IFITM10: variants seen among roughly 807,000 people sequenced by gnomAD.
The protein encoded by IFITM10 is interferon-induced transmembrane protein 10.
IFITM10 carries 17 observed loss-of-function variants against 19.0 expected under a neutral mutation model. The ratio of observed to expected loss-of-function variants is 0.90; its 90% confidence interval spans 0.61 to 1.34. The LOEUF (loss-of-function observed/expected upper bound fraction) is 1.34. Ranked by LOEUF, IFITM10 falls within the 40% of genes most tolerant of loss-of-function variation. The pLI, the probability that IFITM10 is intolerant of heterozygous loss-of-function variation, is 0.00. For synonymous variants in IFITM10, 148 were observed against 147.2 expected, an observed-to-expected ratio of 1.01 and a Z score of -0.04; for missense variants, 306 against 319.8, an observed-to-expected ratio of 0.96 and a Z score of 0.33.
intron 1 of IFITM10, chr11:1,749,117 G>T (rs1590900659): frequency 9.2e-7 from 1 of 1,086,824 alleles, no homozygotes. Context: ...CCGCCTCCCA[G>T]CGGCCCAACC....
chr11:1,747,605 G>T, intron 2 of IFITM10, 62 bp downstream of exon 2: 1 of 1,442,052 alleles, frequency 6.9e-7, no homozygotes, highest in Non-Finnish European at 9.5e-7. Context: ...CACAGCCAGG[G>T]ACTGTCCTGC....
Position 1,747,810 on chromosome 11 carries a change from T to G in IFITM10, c.394A>C (p.Lys132Gln). The G allele has an allele frequency of 6.4e-7, 1 of 1,550,484 alleles. No homozygotes were observed. The highest frequency in any genetic ancestry group is 8.7e-7 in the Non-Finnish European group (1 of 1,146,112). Residue 132 changes from lysine to glutamine, a missense_variant, in exon 2 of 3, where the codon AAG becomes CAG. By Grantham distance (53) the Lys-to-Gln change is moderately conservative (BLOSUM62 1). Transcript: ENST00000340134. The part of the protein sequence containing the change: ...PPACKHLAEK[K>Q]TMTNPTTVIE... Reference sequence around the variant, plus strand: ...ACGGTCGTGGGGTTGGTCATCGTCTTCTTCTCGGCTAGGTGCTTGCAGGCA... The same window carrying G: ...ACGGTCGTGGGGTTGGTCATCGTCTGCTTCTCGGCTAGGTGCTTGCAGGCA...
In IFITM10 at chr11:1,747,946, C is replaced by G. The variant is rs990886386; in HGVS notation, c.258G>C (p.Pro86=). The part of the protein sequence containing the change: ...CVSKPPALQA[P]AAPAPEPSAS... ...CCGAGGGCTCAGGGGCAGGGGCCGC[C>G]GGAGCCTGCAGGGCAGGGGGCTTGG... The change falls in exon 2 of 3, where the codon CCG becomes CCC. Residue 86 remains proline (P), a synonymous_variant. Coordinates refer to ENST00000340134, the MANE Select transcript of IFITM10 (RefSeq NM_001170820.4). The G allele has an allele frequency of 1.4e-6, 2 of 1,472,470 alleles. No individual in the cohort carries two copies. The highest frequency in any genetic ancestry group is 2.8e-5 in the African/African-American group (2 of 70,516). 91.2% of individuals were successfully genotyped at this position (1,472,470 alleles called of 1,614,324 possible).
intron 2 of IFITM10, chr11:1,746,046 A>G (rs542021090): frequency 1.3e-5 from 2 of 152,280 alleles, no homozygotes; most frequent in Admixed American, 1.3e-4. Flanking sequence ...TTGTGCACAC[A>G]CATTTACATG....
Position 1,747,944 on chromosome 11 carries a change from G to C in IFITM10, c.260C>G (p.Ala87Gly). 1 of 1,473,454 alleles carries C rather than the reference G, an allele frequency of 6.8e-7. No homozygotes were observed. Among genetic ancestry groups the C allele is most frequent in the Non-Finnish European group, 9.0e-7 (1 of 1,110,648 alleles). The allele number at this position is 1,473,454 out of a possible 1,614,324, so 91.3% of individuals were successfully genotyped here. ...GGCCGAGGGCTCAGGGGCAGGGGCC[G>C]CCGGAGCCTGCAGGGCAGGGGGCTT... Reference protein sequence around the residue: ...VSKPPALQAPAAPAPEPSASP... With the variant: ...VSKPPALQAPGAPAPEPSASP... Residue 87 changes from alanine (A) to glycine (G), a missense_variant, in exon 2 of 3, where the codon GCG becomes GGG. Coordinates refer to ENST00000340134, the MANE Select transcript of IFITM10 (RefSeq NM_001170820.4).
chr11:1,746,337 TACACATGCAC>T (rs1434703008), intron 2 of IFITM10: 20 of 385,878 alleles, frequency 5.2e-5, no homozygotes, highest in African/African-American at 1.4e-4. Context: ...CACACAGTCA[TACACATGCAC>T]ACACATGCAC....
chr11:1,747,908 A>G lies in IFITM10; in HGVS notation c.296T>C (p.Met99Thr). The change falls in exon 2 of 3, where the codon ATG (methionine) becomes ACG (threonine). Residue 99 changes from methionine (M) to threonine (T), a missense_variant. Physicochemically the swap from Met to Thr is moderately conservative, Grantham distance 81. Coordinates refer to ENST00000340134, the MANE Select transcript of IFITM10 (RefSeq NM_001170820.4). Reference protein sequence around the residue: ...PAPEPSASPPMAPTLFPMESK... With the variant: ...PAPEPSASPPTAPTLFPMESK... ...CTCCATGGGGAACAGTGTGGGCGCC[A>G]TCGGGGGAGAGGCCGAGGGCTCAGG... 6.7e-7 allele frequency: 1 copy of G among 1,500,170 alleles called. No homozygotes were observed. The highest frequency in any genetic ancestry group is 1.3e-5 in the South Asian group (1 of 76,004). 92.9% of individuals were successfully genotyped at this position (1,500,170 alleles called of 1,614,324 possible).
chr11:1,738,763 T>C (rs895991036), intron 2 of IFITM10, among the ~76,000 whole-genome samples: 1 of 151,794 alleles, frequency 6.6e-6, no homozygotes, highest in African/African-American at 2.4e-5. Context: ...GCTTGCAGTG[T>C]GATAAAAAGA....
At chr11:1,740,765 T>C (rs113490305) in intron 2 of IFITM10, among the ~76,000 whole-genome samples, 1,829 of 152,282 alleles carry the variant, frequency 0.012, 38 homozygotes, top group African/African-American at 0.041. Context: ...CACATGTCCC[T>C]GCCAAATCTA....
chr11:1,743,756 G>A (rs893130822), intron 2 of IFITM10, among the ~76,000 whole-genome samples: 3 of 151,712 alleles, frequency 2.0e-5, no homozygotes, highest in South Asian at 2.1e-4. Flanking sequence ...TCCCCAGCTC[G>A]CAAGCTCTCC....
At chr11:1,746,746 G>A (rs1845655146) in intron 2 of IFITM10, 2 of 398,774 alleles carry the variant, frequency 5.0e-6, no homozygotes, top group African/African-American at 2.1e-5. Context: ...TCCCCCACCC[G>A]GCAGGGCAGC....
At position 1,747,798 on chromosome 11, in the gene IFITM10, T is replaced by C; in HGVS notation, c.406A>G (p.Asn136Asp). 1 of 1,551,200 alleles carries C rather than the reference T, an allele frequency of 6.4e-7. No homozygotes were observed. The highest frequency in any genetic ancestry group is 8.7e-7 in the Non-Finnish European group (1 of 1,146,550). ...TAGACCTCGATGACGGTCGTGGGGT[T>C]GGTCATCGTCTTCTTCTCGGCTAGG... Reference protein sequence around the residue: ...KHLAEKKTMTNPTTVIEVYPD... With the variant: ...KHLAEKKTMTDPTTVIEVYPD... The change falls in exon 2 of 3, where the codon AAC becomes GAC. Residue 136 changes from asparagine to aspartate, a missense_variant. Physicochemically the swap from Asn to Asp is conservative, Grantham distance 23 (BLOSUM62 1). Coordinates refer to ENST00000340134, the MANE Select transcript of IFITM10 (RefSeq NM_001170820.4).
chr11:1,739,053 CAAAAAAAAAAAAAAAAA>C (rs71025777), intron 2 of IFITM10, among the ~76,000 whole-genome samples: 1 of 42,106 alleles, frequency 2.4e-5, no homozygotes, highest in Admixed American at 3.8e-4. Context: ...GACTCCGTCT[CAAAAAAAAAAAAAAAAA>C]AAAAAAAAAA....
At chr11:1,749,216 C>T (rs969234905) in intron 1 of IFITM10, 15 of 491,362 alleles carry the variant, frequency 3.1e-5, no homozygotes, top group African/African-American at 2.9e-4. Flanking sequence ...AGACCGGCCG[C>T]GCGGCTGCAG....
chr11:1,732,730 T>C lies in IFITM10; in HGVS notation c.*2550A>G, dbSNP rs766511068. ...CTTTGTAGCCCCACATTGCCCGGAG[T>C]TGGATACAAACATCCCAAGAGCTAG... On this transcript the variant is annotated 3_prime_UTR_variant, in exon 3 of 3. Coordinates refer to ENST00000340134, the MANE Select transcript of IFITM10 (RefSeq NM_001170820.4). The C allele has an allele frequency of 6.6e-6, 1 of 152,070 alleles. No homozygotes were observed. The highest frequency in any genetic ancestry group is 1.5e-5 in the Non-Finnish European group (1 of 68,022). 9.4% of individuals were successfully genotyped at this position (152,070 alleles called of 1,614,324 possible). A position where few individuals can be genotyped will look rare whatever the true frequency, so the allele number is the denominator to read the frequency against.
intron 2 of IFITM10, chr11:1,744,268 G>A (rs1845610274): frequency 6.6e-6 from 1 of 152,312 alleles, no homozygotes; most frequent in Admixed American, 6.5e-5. Flanking sequence ...AGATTGGCTG[G>A]GGTGAGCAGA....
chr11:1,749,508 G>A (rs1023576629), intron 1 of IFITM10, among the ~76,000 whole-genome samples: 12 of 134,652 alleles, frequency 8.9e-5, no homozygotes, highest in African/African-American at 3.3e-4. Flanking sequence ...GCCTCCCCAA[G>A]AGAGACCCTC....
At chr11:1,735,567 G>C in intron 2 of IFITM10, 138 bp from the exon 3 acceptor site, 1 of 795,494 alleles carries the variant, frequency 1.3e-6, no homozygotes, top group Non-Finnish European at 1.9e-6. Context: ...ACGAATGAAC[G>C]ATGGTTCTAG....
At chr11:1,749,226 GC>G in intron 1 of IFITM10, 1 of 400,634 alleles carries the variant, frequency 2.5e-6, no homozygotes, top group Non-Finnish European at 3.4e-6. Context: ...CGCGGCTGCA[GC>G]CCAGAGCCTG....
Sources: allele counts gnomAD v4.1 joint callset (sites outside exome capture counted in the v4.1 genomes callset), GRCh38; gene constraint gnomAD v4.1.1; transcripts MANE v1.5; gene names NCBI Gene and HGNC (gene_info 2026-07-23, HGNC 2026-07-21).